The following NEK6 variants were observed in gnomAD, a reference collection of about 807,000 sequenced individuals.
The protein encoded by NEK6 is NIMA related kinase 6, also known as serine/threonine-protein kinase Nek6.
A neutral mutation model predicts 43.5 loss-of-function variants in NEK6; 27 were observed. The ratio of observed to expected loss-of-function variants is 0.62; its 90% confidence interval spans 0.46 to 0.86. The LOEUF (loss-of-function observed/expected upper bound fraction) is 0.86, where lower values mean the gene tolerates loss of function less well. Ranked by LOEUF, NEK6 falls within the 40% of genes least tolerant of loss-of-function variation. NEK6 has a pLI of 0.00. For missense variants in NEK6, 318 were observed against 414.4 expected (o/e 0.77, Z 2.02); for synonymous variants, 167 against 164.1 (o/e 1.02, Z -0.14).
chr9:124,318,800 T>C (rs4838162), intron 4 of NEK6, among the ~76,000 whole-genome samples: 12,572 of 151,602 alleles, frequency 0.083, 904 homozygotes, highest in East Asian at 0.36. Context: ...GCCTCCTGAG[T>C]AGCTGGGATT....
chr9:124,323,710 C>A (rs916262348), intron 5 of NEK6, among the ~76,000 whole-genome samples: 2 of 152,110 alleles, frequency 1.3e-5, no homozygotes, highest in African/African-American at 4.8e-5. Context: ...ACCCTGTCCC[C>A]GGGAACCTCT....
chr9:124,292,853 A>G, intron 1 of NEK6: 2 of 1,447,492 alleles, frequency 1.4e-6, no homozygotes, highest in Non-Finnish European at 1.8e-6. Context: ...TTCAAGGAGA[A>G]GAAGACACAT....
chr9:124,292,693 C>T (rs1832482101), intron 1 of NEK6, among the ~76,000 whole-genome samples: 1 of 151,886 alleles, frequency 6.6e-6, no homozygotes. Flanking sequence ...GTCCCCCTGG[C>T]ATGAGTTGGT....
chr9:124,331,636 A>C (rs1322732523), intron 7 of NEK6, among the ~76,000 whole-genome samples: 1 of 152,204 alleles, frequency 6.6e-6, no homozygotes, highest in Non-Finnish European at 1.5e-5. Flanking sequence ...CCTGGAGCTC[A>C]TCCTGGGCCC....
intron 1 of NEK6, among the ~76,000 whole-genome samples, chr9:124,266,479 G>A (rs1365968642): frequency 2.0e-5 from 3 of 152,214 alleles, no homozygotes; most frequent in Admixed American, 6.5e-5. Context: ...TGTGCCCTCA[G>A]GAAGTGACCA....
intron 7 of NEK6, among the ~76,000 whole-genome samples, chr9:124,331,139 G>A (rs1395842109): frequency 6.6e-6 from 1 of 151,502 alleles, no homozygotes; most frequent in Admixed American, 6.6e-5. Flanking sequence ...GGTGGTGCAC[G>A]CCTGTAATCC....
chr9:124,265,712 G>A (rs902514593), intron 1 of NEK6: 1 of 152,272 alleles, frequency 6.6e-6, no homozygotes, highest in Non-Finnish European at 1.5e-5. Context: ...CCTGGGCCTG[G>A]ACTGCGGGTG....
At chr9:124,315,368 A>G (rs1323897284) in intron 4 of NEK6, among the ~76,000 whole-genome samples, 1 of 152,148 alleles carries the variant, frequency 6.6e-6, no homozygotes, top group African/African-American at 2.4e-5. Flanking sequence ...ACTCAGAACA[A>G]AAGGGGAGCC....
intron 3 of NEK6, among the ~76,000 whole-genome samples, chr9:124,313,263 C>A (rs558440059): frequency 1.3e-5 from 2 of 152,068 alleles, no homozygotes; most frequent in East Asian, 3.9e-4. Flanking sequence ...AGAGGAGGGC[C>A]GGGAGAGAGA....
chr9:124,334,057 G>A (rs145529077), intron 7 of NEK6, among the ~76,000 whole-genome samples: 130 of 152,298 alleles, frequency 8.5e-4, no homozygotes, highest in African/African-American at 2.8e-3. Context: ...GATTACAGGC[G>A]TGAGCCACCA....
At chr9:124,288,691 C>T (rs1832266766) in intron 1 of NEK6, among the ~76,000 whole-genome samples, 1 of 152,178 alleles carries the variant, frequency 6.6e-6, no homozygotes, top group South Asian at 2.1e-4. Context: ...GGCAGCCCTA[C>T]AAGATGGGTC....
intron 1 of NEK6, chr9:124,292,356 G>A (rs1832463769): frequency 6.7e-7 from 1 of 1,494,580 alleles, no homozygotes; most frequent in Non-Finnish European, 8.9e-7. Flanking sequence ...AGTAATCCCT[G>A]GGCTTGGCCA....
chr9:124,298,271 G>A (rs138797653), intron 1 of NEK6, among the ~76,000 whole-genome samples: 28 of 152,056 alleles, frequency 1.8e-4, no homozygotes, highest in Middle Eastern at 3.4e-3. Flanking sequence ...TCTGGCTCTC[G>A]GTGGGTAGGG....
chr9:124,259,343 C>T (rs1009744123), intron 1 of NEK6: 2 of 151,968 alleles, frequency 1.3e-5, no homozygotes, highest in Non-Finnish European at 2.9e-5. Flanking sequence ...CTTGGAGGCA[C>T]GTTTAAAAAC....
chr9:124,350,922 T>G lies in NEK6; in HGVS notation c.917T>G (p.Met306Arg). ...IGYVHQVAKQ[M>R]HIWMSST ...TACGTGCACCAGGTGGCCAAGCAGA[T>G]GCACATCTGGATGTCCAGCACCTGA... The change falls in exon 10 of 10, where the codon ATG becomes AGG. Residue 306 changes from methionine (M) to arginine (R), a missense_variant. Met to Arg is a moderately conservative substitution (Grantham distance 91). This residue lies in a region of NEK6 where 79 missense variants were observed against 70.0 expected (regional missense o/e 1.13). Coordinates refer to ENST00000320246, the MANE Select transcript of NEK6 (RefSeq NM_014397.6). 6.2e-7 allele frequency: 1 copy of G among 1,610,456 alleles called. No homozygotes were observed. The highest frequency in any genetic ancestry group is 8.5e-7 in the Non-Finnish European group (1 of 1,179,854).
intron 4 of NEK6, among the ~76,000 whole-genome samples, chr9:124,316,656 C>T (rs1833829590): frequency 6.6e-6 from 1 of 152,224 alleles, no homozygotes; most frequent in African/African-American, 2.4e-5. Context: ...TCGGCCCCTG[C>T]TTGCTGTGGA....
intron 7 of NEK6, among the ~76,000 whole-genome samples, chr9:124,331,109 C>CA (rs1224102104): frequency 2.6e-5 from 4 of 151,458 alleles, no homozygotes; most frequent in African/African-American, 7.3e-5. Flanking sequence ...CTAAAAATAG[C>CA]AAAAAAATTA....
chr9:124,281,430 A>G (rs1027302255), intron 1 of NEK6, among the ~76,000 whole-genome samples: 2 of 151,634 alleles, frequency 1.3e-5, no homozygotes, highest in African/African-American at 4.8e-5. Context: ...ACCCACGGTG[A>G]AATAAGAAAA....
rs1834330301 is a variant in NEK6, at chr9:124,326,252, A to G, written c.406-78A>G. ...ACCAGTTACCCACTGGGGAAAGGACAGAGGCAGTGCCCTGTGGCCACCCAC... is the reference window on the plus strand; with the variant it reads ...ACCAGTTACCCACTGGGGAAAGGACGGAGGCAGTGCCCTGTGGCCACCCAC... On this transcript the variant is annotated intron_variant, in intron 5 of 9. Transcript: ENST00000320246. This position sits in a 1 kb window ranked among gnomAD's most constrained non-coding sequence, Gnocchi z 4.5. 1.3e-5 allele frequency: 7 copies of G among 558,018 alleles called. No homozygotes were observed. Among genetic ancestry groups the G allele is most frequent in the Non-Finnish European group, 2.2e-5 (7 of 314,172 alleles). 34.6% of individuals were successfully genotyped at this position (558,018 alleles called of 1,614,324 possible).
Sources: allele counts gnomAD v4.1 joint callset (sites outside exome capture counted in the v4.1 genomes callset), GRCh38; gene constraint gnomAD v4.1.1; regional missense constraint gnomAD v4.1.1; non-coding constraint Gnocchi (gnomAD v3.1); transcripts MANE v1.5; gene names NCBI Gene and HGNC (gene_info 2026-07-23, HGNC 2026-07-21).